Variants in KIF5A observed in about 807,000 individuals in gnomAD.
KIF5A encodes the protein kinesin heavy chain isoform 5A.
Under a neutral mutation model 141.3 loss-of-function variants are expected in KIF5A, and 35 were observed. That is an observed-to-expected ratio of 0.25 (90% CI 0.19 to 0.33). The LOEUF (loss-of-function observed/expected upper bound fraction) is 0.33. KIF5A is among the 10% of genes least tolerant of loss of function. The pLI, the probability that KIF5A is intolerant of heterozygous loss-of-function variation, is 1.00. For missense variants in KIF5A, 861 were observed against 1,314.3 expected (o/e 0.66, Z 5.33); for synonymous variants, 448 against 500.2 (o/e 0.90, Z 1.39).
At chr12:57,578,380 G>A in intron 23 of KIF5A, 38 bp downstream of exon 23, 1 of 1,427,452 alleles carries the variant, frequency 7.0e-7, no homozygotes, top group Non-Finnish European at 9.9e-7. Context: ...AATTTTTGAG[G>A]CCGGGTAGCT....
At chr12:57,556,664 G>A (rs1468617453) in intron 1 of KIF5A, among the ~76,000 whole-genome samples, 1 of 151,238 alleles carries the variant, frequency 6.6e-6, no homozygotes. Flanking sequence ...GCTGGGGTGG[G>A]GTGGTTGGTG....
In KIF5A at chr12:57,567,227, C is replaced by A; in HGVS notation, c.589+14C>A. 6.3e-7 allele frequency: 1 copy of A among 1,589,954 alleles called. No homozygotes were observed. Among genetic ancestry groups the A allele is most frequent in the Non-Finnish European group, 8.6e-7 (1 of 1,158,610 alleles). On this transcript the variant is annotated intron_variant, in intron 7 of 28. Coordinates refer to ENST00000455537, the MANE Select transcript of KIF5A (RefSeq NM_004984.4). ...TGGCTGTCACCAGTGAGTGAGGATA[C>A]AAGGGGATCTCTCGAGTCTGAGGAT...
chr12:57,567,479 C>G lies in KIF5A; in HGVS notation c.590-15C>G, dbSNP rs746414899. 1.2e-6 allele frequency: 2 copies of G among 1,612,596 alleles called. No individual in the cohort carries two copies. Among genetic ancestry groups the G allele is most frequent in the East Asian group, 2.2e-5 (1 of 44,808 alleles). On this transcript the variant is annotated splice_polypyrimidine_tract_variant and intron_variant, in intron 7 of 28. Coordinates refer to ENST00000455537, the MANE Select transcript of KIF5A (RefSeq NM_004984.4). ...GCAGGGTGGTGCAGGTCCTGTTTCTCCCTTGCTCCTGCAGACATGAATGAA... is the reference window on the plus strand; with the variant it reads ...GCAGGGTGGTGCAGGTCCTGTTTCTGCCTTGCTCCTGCAGACATGAATGAA...
At position 57,575,698 on chromosome 12, in the gene KIF5A, G is replaced by T. The variant is rs772780431; in HGVS notation, c.1964G>T (p.Arg655Leu). The T allele has an allele frequency of 6.2e-7, 1 of 1,614,204 alleles. No individual in the cohort carries two copies. The highest frequency in any genetic ancestry group is 8.5e-7 in the Non-Finnish European group (1 of 1,180,048). Residue 655 changes from arginine (R) to leucine (L), a missense_variant, in exon 17 of 29, where the codon CGG becomes CTG. Physicochemically the swap from Arg to Leu is moderately radical, Grantham distance 102 (BLOSUM62 -2). Around this residue, in one of 5 missense-constraint regions of KIF5A, gnomAD observed 482 missense variants for 661.3 expected, o/e 0.73. Transcript: ENST00000455537. Reference protein sequence around the residue: ...EYMQSVELKKRHLEESYDSLS... With the variant: ...EYMQSVELKKLHLEESYDSLS... ...ATGCAGAGCGTGGAGCTAAAGAAGC[G>T]GCACCTGGAAGAGTCCTATGACTCC...
intron 5 of KIF5A, among the ~76,000 whole-genome samples, chr12:57,564,714 G>A (rs756398747): frequency 2.0e-5 from 3 of 152,176 alleles, no homozygotes; most frequent in Non-Finnish European, 4.4e-5. Context: ...TAAACAGTTC[G>A]AGAGGATCTG....
At chr12:57,557,658 A>G (rs1459231326) in intron 1 of KIF5A, among the ~76,000 whole-genome samples, 2 of 151,524 alleles carry the variant, frequency 1.3e-5, no homozygotes, top group African/African-American at 2.4e-5. Flanking sequence ...TATTATTACT[A>G]TTTTGCCATT....
At chr12:57,555,414 A>G (rs1881699982) in intron 1 of KIF5A, among the ~76,000 whole-genome samples, 1 of 152,164 alleles carries the variant, frequency 6.6e-6, no homozygotes, top group African/African-American at 2.4e-5. Context: ...AGTATAATCA[A>G]TAGAAAATTA....
At chr12:57,578,436 T>G (rs928317259) in intron 23 of KIF5A, 94 bp downstream of exon 23, 4 of 831,970 alleles carry the variant, frequency 4.8e-6, no homozygotes, top group Non-Finnish European at 6.2e-6. Flanking sequence ...GAAAATCTAG[T>G]TGCATGTTTT....
In KIF5A at chr12:57,569,050, G is replaced by A. The variant is rs139015012; in HGVS notation, c.802G>A (p.Ala268Thr). The change falls in exon 9 of 29, where the codon GCA becomes ACA. Residue 268 changes from alanine (A) to threonine (T), a missense_variant. Physicochemically the swap from Ala to Thr is moderately conservative, Grantham distance 58. Coordinates refer to ENST00000455537, the MANE Select transcript of KIF5A (RefSeq NM_004984.4). Reference protein sequence around the residue: ...SLSALGNVISALAEGTKSYVP... With the variant: ...SLSALGNVISTLAEGTKSYVP... ...GTCAGCTCTGGGCAATGTGATCTCC[G>A]CACTGGCTGAGGGCACTGTGAGTGA... The A allele has an allele frequency of 1.1e-5, 18 of 1,613,598 alleles. No homozygotes were observed. Among genetic ancestry groups the A allele is most frequent in the East Asian group, 6.7e-5 (3 of 44,874 alleles).
Position 57,568,697 on chromosome 12 carries a change from C to G in KIF5A, c.715-266C>G, listed in dbSNP as rs529632545. On this transcript the variant is annotated intron_variant, in intron 8 of 28. Transcript: ENST00000455537. ...CTGAGATCGCACCATTGCACTCCAGCCTGCGCAACAAGAGTGAAACTCCAT... is the reference window on the plus strand; with the variant it reads ...CTGAGATCGCACCATTGCACTCCAGGCTGCGCAACAAGAGTGAAACTCCAT... Among the ~76,000 whole-genome samples the G allele has an allele frequency of 1.9e-4, 29 of 151,838 alleles. 1 individual carries two copies. The highest frequency in any genetic ancestry group is 7.9e-4 in the Admixed American group (12 of 15,262).
Position 57,575,630 on chromosome 12 carries a change from C to T in KIF5A, c.1906-10C>T, listed in dbSNP as rs561056213. ...CCATCTTCTTCCTCTCACCAACTTT[C>T]TCCCACCAGCATGAGGCCAAGATCC... On this transcript the variant is annotated splice_polypyrimidine_tract_variant and intron_variant, in intron 16 of 28. Transcript: ENST00000455537. The T allele has an allele frequency of 6.2e-7, 1 of 1,612,124 alleles. No individual in the cohort carries two copies.
chr12:57,577,685 T>C, intron 20 of KIF5A, 28 bp from the exon 21 acceptor site: 2 of 1,585,396 alleles, frequency 1.3e-6, no homozygotes, highest in East Asian at 2.2e-5. Context: ...GAGGGATCTT[T>C]CCATTTCCCT....
chr12:57,567,234 A>T, intron 7 of KIF5A, 21 bp downstream of exon 7: 9 of 1,576,200 alleles, frequency 5.7e-6, no homozygotes, highest in Non-Finnish European at 7.9e-6. Context: ...ATACAAGGGG[A>T]TCTCTCGAGT....
chr12:57,560,401 C>A (rs1480006397), intron 1 of KIF5A, among the ~76,000 whole-genome samples: 1 of 152,096 alleles, frequency 6.6e-6, no homozygotes, highest in South Asian at 2.1e-4. Context: ...ATTTCTAGAT[C>A]AATGGATATG....
At chr12:57,559,362 C>T (rs1881841652) in intron 1 of KIF5A, among the ~76,000 whole-genome samples, 1 of 152,114 alleles carries the variant, frequency 6.6e-6, no homozygotes, top group African/African-American at 2.4e-5. Context: ...CACATTCTCA[C>T]CAGTGTAATG....
In KIF5A at chr12:57,575,729, C is replaced by G. The variant is rs368783789; in HGVS notation, c.1995C>G (p.Ser665Arg). 1 of 1,613,956 alleles carries G rather than the reference C, an allele frequency of 6.2e-7. No individual in the cohort carries two copies. Residue 665 changes from serine to arginine, a missense_variant, in exon 17 of 29, where the codon AGC becomes AGG. By Grantham distance (110) the Ser-to-Arg change is moderately radical (BLOSUM62 -1). Around this residue, in one of 5 missense-constraint regions of KIF5A, gnomAD observed 482 missense variants for 661.3 expected, o/e 0.73. Coordinates refer to ENST00000455537, the MANE Select transcript of KIF5A (RefSeq NM_004984.4). ...RHLEESYDSL[S>R]DELAKLQAQE... ...TGGAAGAGTCCTATGACTCCTTGAG[C>G]GATGAGCTGGCCAAGCTCCAGGCCC... is the stretch of plus-strand genomic sequence containing the variant.
At chr12:57,582,574 C>A in intron 26 of KIF5A, 28 bp from the exon 27 acceptor site, 1 of 1,599,320 alleles carries the variant, frequency 6.3e-7, no homozygotes, top group South Asian at 1.1e-5. Flanking sequence ...TTCTTCTAAT[C>A]CTGTGTTCTC....
At position 57,572,002 on chromosome 12, in the gene KIF5A, G is replaced by C; in HGVS notation, c.1363-59G>C. ...TGGGGGCTCAGCTTCCCAGACCCAA[G>C]GCCATAGAAATGGTCACTGGCAGTG... On this transcript the variant is annotated intron_variant, in intron 13 of 28. Coordinates refer to ENST00000455537, the MANE Select transcript of KIF5A (RefSeq NM_004984.4). This position sits in a 1 kb window ranked among gnomAD's most constrained non-coding sequence, Gnocchi z 4.2. 1 of 1,462,860 alleles carries C rather than the reference G, an allele frequency of 6.8e-7. No individual in the cohort carries two copies. The highest frequency in any genetic ancestry group is 9.5e-7 in the Non-Finnish European group (1 of 1,053,602). The allele number at this position is 1,462,860 out of a possible 1,614,324, so 90.6% of individuals were successfully genotyped here. A position where few individuals can be genotyped will look rare whatever the true frequency, so the allele number is the denominator to read the frequency against.
In KIF5A at chr12:57,584,581, T is replaced by C. The variant is rs1413398451; in HGVS notation, c.*400T>C. The C allele has an allele frequency of 6.6e-6, 1 of 152,246 alleles. No individual in the cohort carries two copies. Among genetic ancestry groups the C allele is most frequent in the East Asian group, 1.9e-4 (1 of 5,178 alleles). 9.4% of individuals were successfully genotyped at this position (152,246 alleles called of 1,614,324 possible). On this transcript the variant is annotated 3_prime_UTR_variant, in exon 29 of 29. Transcript: ENST00000455537. Reference sequence around the variant, plus strand: ...AAAAGGAAAAATGGGAGCTAGAGGGTTGTGACCCTTCATACACACACGCAC... The same window carrying C: ...AAAAGGAAAAATGGGAGCTAGAGGGCTGTGACCCTTCATACACACACGCAC...
Sources: gnomAD v4.1 joint callset for allele counts (sites outside exome capture counted in the v4.1 genomes callset) on GRCh38, gnomAD v4.1.1 for gene constraint, gnomAD v4.1.1 regional missense constraint, Gnocchi (gnomAD v3.1) non-coding constraint, MANE v1.5 for transcripts, NCBI Gene and HGNC (gene_info 2026-07-23, HGNC 2026-07-21) for gene names.